DNAH8: variants seen among roughly 807,000 people sequenced by gnomAD.
The protein encoded by DNAH8 is dynein axonemal heavy chain 8.
Under a neutral mutation model 562.1 loss-of-function variants are expected in DNAH8, and 382 were observed. The ratio of observed to expected loss-of-function variants is 0.68; its 90% CI spans 0.63 to 0.74. DNAH8 has a LOEUF of 0.74. Among genes scored for constraint, DNAH8 ranks in the 30% least tolerant of loss-of-function variants. The probability of loss-of-function intolerance (pLI) is 0.00; values close to 1 mark genes in which losing one functional copy is unlikely to be tolerated. For missense variants in DNAH8, 5,203 were observed against 5,620.4 expected, an observed-to-expected ratio of 0.93 and a Z score of 2.37; for synonymous variants, 1,881 against 1,919.4, an observed-to-expected ratio of 0.98 and a Z score of 0.52.
Position 39,008,918 on chromosome 6 carries a change from G to A in DNAH8, c.13319G>A (p.Arg4440Lys), listed in dbSNP as rs781541650. 1.2e-6 allele frequency: 2 copies of A among 1,611,178 alleles called. No homozygotes were observed. Among genetic ancestry groups the A allele is most frequent in the South Asian group, 2.2e-5 (2 of 90,994 alleles). ...GAGACCCGGGAGGCTATTGTTTATAGATTATCTGAAGATATGCTGAGTAAA... is the reference window on the plus strand; with the variant it reads ...GAGACCCGGGAGGCTATTGTTTATAAATTATCTGAAGATATGCTGAGTAAA... ...VGETREAIVYRLSEDMLSKLP... is the reference protein window; with the variant it reads ...VGETREAIVYKLSEDMLSKLP... Residue 4440 changes from arginine (R) to lysine (K), a missense_variant, in exon 89 of 93, where the codon AGA (arginine) becomes AAA (lysine). Transcript: ENST00000327475.
chr6:38,911,717 G>T (rs1780917432), intron 66 of DNAH8, 131 bp downstream of exon 66: 5 of 656,160 alleles, frequency 7.6e-6, no homozygotes, highest in Admixed American at 2.8e-5. Flanking sequence ...TAATTTTAAA[G>T]GATGGCCTTG....
intron 82 of DNAH8, among the ~76,000 whole-genome samples, chr6:38,958,450 A>G (rs1762402966): frequency 6.6e-6 from 1 of 151,492 alleles, no homozygotes; most frequent in African/African-American, 2.4e-5. Context: ...AGGAGACATC[A>G]TAACTGATAA....
chr6:38,867,948 C>T (rs1165571077), intron 47 of DNAH8, 114 bp from the exon 48 acceptor site: 3 of 1,063,756 alleles, frequency 2.8e-6, no homozygotes, highest in Non-Finnish European at 4.0e-6. Context: ...GGCTTAGTCA[C>T]CCCAAAACTA....
intron 1 of DNAH8, among the ~76,000 whole-genome samples, chr6:38,721,168 T>G (rs1007270296): frequency 6.6e-6 from 1 of 152,018 alleles, no homozygotes; most frequent in African/African-American, 2.4e-5. Context: ...ATAAAAAAAT[T>G]AGGCATGTAT....
intron 21 of DNAH8, among the ~76,000 whole-genome samples, chr6:38,802,290 G>T (rs1396675875): frequency 6.6e-6 from 1 of 151,432 alleles, no homozygotes; most frequent in Non-Finnish European, 1.5e-5. Context: ...TGTCACCCAG[G>T]CTGGAGTGCA....
In DNAH8 at chr6:38,852,769, G is replaced by A. The variant is rs149016705; in HGVS notation, c.5542G>A (p.Val1848Ile). The A allele has an allele frequency of 1.1e-4, 184 of 1,612,826 alleles. No individual in the cohort carries two copies. In the East Asian group the frequency reaches 1.5e-3, roughly 13 times the overall value. The change falls in exon 40 of 93, where the codon GTC becomes ATC. Residue 1848 changes from valine to isoleucine, a missense_variant. Val to Ile is a conservative substitution (Grantham distance 29). This residue lies in a region of DNAH8 where 2,176 missense variants were observed against 2,365.1 expected (regional missense o/e 0.92). Transcript: ENST00000327475. Reference sequence around the variant, plus strand: ...AAAAGACTATGATCGCATCATGGCCGTCATATCAAGAGAAGGAGAAAAAAT... The same window carrying A: ...AAAAGACTATGATCGCATCATGGCCATCATATCAAGAGAAGGAGAAAAAAT... ...HAKDYDRIMA[V>I]ISREGEKIVL...
At chr6:38,901,600 A>G (rs1780086231) in intron 62 of DNAH8, among the ~76,000 whole-genome samples, 1 of 152,110 alleles carries the variant, frequency 6.6e-6, no homozygotes, top group African/African-American at 2.4e-5. Context: ...TTTAAATTTA[A>G]CATATGTATA....
At chr6:38,727,562 G>A (rs1023384790) in intron 3 of DNAH8, among the ~76,000 whole-genome samples, 1 of 152,202 alleles carries the variant, frequency 6.6e-6, no homozygotes, top group African/African-American at 2.4e-5. Context: ...TCAGTCCTTG[G>A]GGGATCACGG....
intron 7 of DNAH8, among the ~76,000 whole-genome samples, chr6:38,739,221 A>G (rs1322788116): frequency 6.6e-6 from 1 of 152,076 alleles, no homozygotes; most frequent in East Asian, 1.9e-4. Context: ...CCATTGTGTC[A>G]TGTTTCATTT....
At chr6:38,839,255 A>G (rs1328095229) in intron 33 of DNAH8, among the ~76,000 whole-genome samples, 1 of 152,170 alleles carries the variant, frequency 6.6e-6, no homozygotes, top group Non-Finnish European at 1.5e-5. Flanking sequence ...AGAAATCATC[A>G]TCACCATTTA....
intron 20 of DNAH8, among the ~76,000 whole-genome samples, chr6:38,790,821 TAA>T (rs777354870): frequency 6.6e-5 from 9 of 137,252 alleles, no homozygotes; most frequent in Non-Finnish European, 4.8e-5. Flanking sequence ...AGACTCCGTC[TAA>T]AAAAAAAAAA....
chr6:38,937,865 G>A, intron 77 of DNAH8, 109 bp from the exon 78 acceptor site: 1 of 1,324,842 alleles, frequency 7.5e-7, no homozygotes, highest in Non-Finnish European at 1.0e-6. Flanking sequence ...CCTGACTTTG[G>A]AGACATCAAG....
intron 84 of DNAH8, 98 bp from the exon 85 acceptor site, chr6:38,974,276 C>T: frequency 1.0e-6 from 1 of 969,546 alleles, no homozygotes; most frequent in Non-Finnish European, 1.5e-6. Context: ...CAGTCCCAAG[C>T]ATTTCAGATA....
At chr6:38,886,121 A>T (rs1778901699) in intron 56 of DNAH8, among the ~76,000 whole-genome samples, 1 of 152,194 alleles carries the variant, frequency 6.6e-6, no homozygotes, top group Admixed American at 6.5e-5. Flanking sequence ...TCTTTAGAAT[A>T]TAGGGTTGAG....
chr6:38,914,362 A>T (rs1781130652), intron 67 of DNAH8, among the ~76,000 whole-genome samples: 2 of 144,256 alleles, frequency 1.4e-5, no homozygotes, highest in South Asian at 4.6e-4. Flanking sequence ...CCTCTCAAGG[A>T]GATAGGTATA....
At chr6:38,908,255 C>CGAGATCT in intron 64 of DNAH8, 135 bp downstream of exon 64, 2 of 499,206 alleles carry the variant, frequency 4.0e-6, no homozygotes, top group Non-Finnish European at 6.7e-6. Context: ...ACTTTTGTAC[C>CGAGATCT]ACACAATCTC....
chr6:39,010,820 CGT>C (rs72060281), intron 89 of DNAH8, among the ~76,000 whole-genome samples: 1,404 of 132,778 alleles, frequency 0.011, 14 homozygotes, highest in African/African-American at 0.026. Context: ...CACACACACA[CGT>C]ATGTATGTAT....
At chr6:38,782,465 A>G (rs1768725912) in intron 16 of DNAH8, among the ~76,000 whole-genome samples, 1 of 151,942 alleles carries the variant, frequency 6.6e-6, no homozygotes, top group Admixed American at 6.6e-5. Flanking sequence ...GTATTTTTAG[A>G]GAGACAGCGT....
chr6:38,894,749 C>T lies in DNAH8; in HGVS notation c.8632C>T (p.Arg2878Ter), dbSNP rs149070832. 133 of 1,613,840 alleles carry T rather than the reference C, an allele frequency of 8.2e-5. No individual in the cohort carries two copies. The highest frequency in any genetic ancestry group is 1.1e-4 in the Non-Finnish European group (127 of 1,179,948). The change falls in exon 59 of 93, where the codon CGA becomes TGA. Residue 2878 changes from arginine (R) to a stop codon, truncating the protein, a stop_gained. Coordinates refer to ENST00000327475, the MANE Select transcript of DNAH8 (RefSeq NM_001206927.2). LOFTEE classifies it high-confidence loss of function. ...PSKFHYIFNLRDLSRIWQGML... is the reference protein window; with the variant it reads ...PSKFHYIFNL Reference sequence around the variant, plus strand: ...TAAATTTCATTACATCTTCAATCTTCGAGATCTTTCCAGAATTTGGCAAGG... The same window carrying T: ...TAAATTTCATTACATCTTCAATCTTTGAGATCTTTCCAGAATTTGGCAAGG...
Sources: allele counts gnomAD v4.1 joint callset (sites outside exome capture counted in the v4.1 genomes callset), GRCh38; gene constraint gnomAD v4.1.1; regional missense constraint gnomAD v4.1.1; transcripts MANE v1.5; gene names NCBI Gene and HGNC (gene_info 2026-07-23, HGNC 2026-07-21).